Variants in OTULIN observed in about 807,000 individuals in gnomAD.
OTULIN encodes the protein ubiquitin thioesterase otulin.
In OTULIN, 15 loss-of-function variants were observed where a neutral mutation model predicts 39.6. The ratio of observed to expected loss-of-function variants is 0.38; its 90% confidence interval spans 0.25 to 0.58. The LOEUF (loss-of-function observed/expected upper bound fraction) is 0.58, where lower values mean the gene tolerates loss of function less well. Ranked by LOEUF, OTULIN falls within the 20% of genes least tolerant of loss-of-function variation. The pLI, the probability that OTULIN is intolerant of heterozygous loss-of-function variation, is 0.66. For synonymous variants in OTULIN, 156 were observed against 170.3 expected (o/e 0.92, Z 0.65); for missense variants, 319 against 445.9 (o/e 0.72, Z 2.56).
chr5:14,674,915 A>G (rs1299913852), intron 2 of OTULIN, among the ~76,000 whole-genome samples: 1 of 152,220 alleles, frequency 6.6e-6, no homozygotes, highest in African/African-American at 2.4e-5. Flanking sequence ...TCTTTTTTGC[A>G]TTATTAGCTG....
In OTULIN at chr5:14,681,574, G is replaced by C. The variant is rs377713255; in HGVS notation, c.435G>C (p.Leu145=). ...AGGCCATGAGCCAGGCTGTGGGGCT[G>C]CCGCCCTGGCTGCAGGACCCGGAGC... ...LFQAMSQAVG[L]PPWLQDPELM... Residue 145 remains leucine (L), a synonymous_variant, in exon 4 of 7, where the codon CTG becomes CTC. Transcript: ENST00000284274. 1 of 1,613,946 alleles carries C rather than the reference G, an allele frequency of 6.2e-7. No individual in the cohort carries two copies. Among genetic ancestry groups the C allele is most frequent in the African/African-American group, 1.3e-5 (1 of 75,064 alleles).
chr5:14,711,706 C>T, the OTULIN span, among the ~76,000 whole-genome samples: 1 of 152,238 alleles, frequency 6.6e-6, no homozygotes, highest in South Asian at 2.1e-4. Flanking sequence ...AATATTCCAC[C>T]TTGTACAGCA....
At position 14,664,963 on chromosome 5, in the gene OTULIN, G is replaced by C; in HGVS notation, c.138G>C (p.Gln46His). 4 of 1,093,712 alleles carry C rather than the reference G, an allele frequency of 3.7e-6. No homozygotes were observed. Among genetic ancestry groups the C allele is most frequent in the Non-Finnish European group, 4.4e-6 (4 of 900,632 alleles). 67.8% of individuals were successfully genotyped at this position (1,093,712 alleles called of 1,614,324 possible). A position where few individuals can be genotyped will look rare whatever the true frequency, so the allele number is the denominator to read the frequency against. The change falls in exon 1 of 7, where the codon CAG (glutamine) becomes CAC (histidine). Residue 46 changes from glutamine to histidine, a missense_variant. Gln to His is a conservative substitution (Grantham distance 24, BLOSUM62 0). Coordinates refer to ENST00000284274, the MANE Select transcript of OTULIN (RefSeq NM_138348.6). Reference sequence around the variant, plus strand: ...GCGGGCAGCCGCGGCCCGAGATGCAGTGCCCGGCCGAGCAGTGAGTCCGCG... The same window carrying C: ...GCGGGCAGCCGCGGCCCGAGATGCACTGCCCGGCCGAGCAGTGAGTCCGCG... Reference protein sequence around the residue: ...AASGQPRPEMQCPAEHEEDMY... With the variant: ...AASGQPRPEMHCPAEHEEDMY...
intron 4 of OTULIN, among the ~76,000 whole-genome samples, chr5:14,683,870 C>T (rs192329683): frequency 2.8e-4 from 42 of 151,860 alleles, no homozygotes; most frequent in Non-Finnish European, 5.1e-4. Flanking sequence ...ACAATGTCTC[C>T]CCCCCTTTTT....
rs1450016968 is a variant in OTULIN, at chr5:14,695,508, T to G, written c.*2460T>G. ...TATCCCAGAGTGTCTTGCAAGAGTT[T>G]AGGAGTTTTGGACCCTGTGTATTGG... On this transcript the variant is annotated 3_prime_UTR_variant, in exon 7 of 7. Coordinates refer to ENST00000284274, the MANE Select transcript of OTULIN (RefSeq NM_138348.6). The G allele has an allele frequency of 1.3e-5, 2 of 152,246 alleles. No homozygotes were observed. Among genetic ancestry groups the G allele is most frequent in the Non-Finnish European group, 2.9e-5 (2 of 68,036 alleles). 9.4% of individuals were successfully genotyped at this position (152,246 alleles called of 1,614,324 possible).
At position 14,690,642 on chromosome 5, in the gene OTULIN, CAGAG is replaced by C. The variant is rs1736502752; in HGVS notation, c.864+335_864+338del. Among the ~76,000 whole-genome samples, 1 of 152,098 alleles carries C rather than the reference CAGAG, an allele frequency of 6.6e-6. No homozygotes were observed. The highest frequency in any genetic ancestry group is 2.4e-5 in the African/African-American group (1 of 41,432). On this transcript the variant is annotated intron_variant, in intron 6 of 6. Coordinates refer to ENST00000284274, the MANE Select transcript of OTULIN (RefSeq NM_138348.6). This position sits in a 1 kb window ranked among gnomAD's most constrained non-coding sequence, Gnocchi z 4.5. ...CCTTACAACATGGCAGCTGGCTTCT[CAGAG>C]TGAACTAAGCAGTGAGCAAGAAAGA...
chr5:14,666,070 C>T (rs752942871), intron 1 of OTULIN, among the ~76,000 whole-genome samples: 17 of 152,230 alleles, frequency 1.1e-4, no homozygotes, highest in African/African-American at 1.4e-4. Flanking sequence ...CCCTGCTCCA[C>T]GGCCCGTGCT....
intron 5 of OTULIN, among the ~76,000 whole-genome samples, chr5:14,689,791 A>G (rs934046246): frequency 6.6e-6 from 1 of 152,210 alleles, no homozygotes; most frequent in African/African-American, 2.4e-5. Flanking sequence ...AAGGGAGTCA[A>G]AATTTCCACA....
Position 14,693,104 on chromosome 5 carries a change from G to A in OTULIN, c.*56G>A. 1 of 1,505,628 alleles carries A rather than the reference G, an allele frequency of 6.6e-7. No individual in the cohort carries two copies. The highest frequency in any genetic ancestry group is 9.0e-7 in the Non-Finnish European group (1 of 1,112,058). The allele number at this position is 1,505,628 out of a possible 1,614,324, so 93.3% of individuals were successfully genotyped here. On this transcript the variant is annotated 3_prime_UTR_variant, in exon 7 of 7. Transcript: ENST00000284274. Reference sequence around the variant, plus strand: ...TGGCGAAGATGCACAGGTGGCTCCTGGGCTTGGGCTGCAGGTTTGGGGGTC... The same window carrying A: ...TGGCGAAGATGCACAGGTGGCTCCTAGGCTTGGGCTGCAGGTTTGGGGGTC...
chr5:14,672,605 G>T (rs910592978), intron 1 of OTULIN, among the ~76,000 whole-genome samples: 2 of 151,996 alleles, frequency 1.3e-5, no homozygotes, highest in African/African-American at 4.8e-5. Context: ...GGGAATCGGG[G>T]GTCTGATCAT....
the OTULIN span, chr5:14,711,099 CAA>C: frequency 1.6e-5 from 18 of 1,135,412 alleles, no homozygotes; most frequent in Admixed American, 2.9e-4. Context: ...CAAAACAAAA[CAA>C]AAAAAAGGGA....
rs1426118036 is a variant in OTULIN at position 14,692,988 on chromosome 5, T to G, written c.999T>G (p.Ile333Met). Residue 333 changes from isoleucine (I) to methionine (M), a missense_variant, in exon 7 of 7, where the codon ATT (isoleucine) becomes ATG (methionine). Physicochemically the swap from Ile to Met is conservative, Grantham distance 10. Transcript: ENST00000284274. ...PPKDWPVVTL[I>M]AEDDRHYNIP... ...AGGACTGGCCAGTGGTAACGCTCAT[T>G]GCTGAGGACGATCGGCACTATAACA... is the stretch of plus-strand genomic sequence containing the variant. 1 of 1,614,006 alleles carries G rather than the reference T, an allele frequency of 6.2e-7. No individual in the cohort carries two copies. Among genetic ancestry groups the G allele is most frequent in the Non-Finnish European group, 8.5e-7 (1 of 1,180,042 alleles).
In OTULIN at chr5:14,695,885, T is replaced by C. The variant is rs1159473906; in HGVS notation, c.*2837T>C. 6.6e-6 allele frequency: 1 copy of C among 152,228 alleles called. No individual in the cohort carries two copies. Among genetic ancestry groups the C allele is most frequent in the African/African-American group, 2.4e-5 (1 of 41,458 alleles). The allele number at this position is 152,228 out of a possible 1,614,324, so 9.4% of individuals were successfully genotyped here. On this transcript the variant is annotated 3_prime_UTR_variant, in exon 7 of 7. Coordinates refer to ENST00000284274, the MANE Select transcript of OTULIN (RefSeq NM_138348.6). Reference sequence around the variant, plus strand: ...TTTTCAATGCACAGAACAGGATGAATCCTTTTTTCTTTATTTAGCGATTTA... The same window carrying C: ...TTTTCAATGCACAGAACAGGATGAACCCTTTTTTCTTTATTTAGCGATTTA...
At position 14,694,411 on chromosome 5, in the gene OTULIN, T is replaced by A. The variant is rs1736613584; in HGVS notation, c.*1363T>A. ...TCACATGAACCGGAGACATCACTCT[T>A]TAGGATTCTACTGGCAGCCCCTGAA... On this transcript the variant is annotated 3_prime_UTR_variant, in exon 7 of 7. Coordinates refer to ENST00000284274, the MANE Select transcript of OTULIN (RefSeq NM_138348.6). 6.6e-6 allele frequency: 1 copy of A among 152,196 alleles called. No homozygotes were observed. Among genetic ancestry groups the A allele is most frequent in the Non-Finnish European group, 1.5e-5 (1 of 68,036 alleles). The allele number at this position is 152,196 out of a possible 1,614,324, so 9.4% of individuals were successfully genotyped here.
In OTULIN at chr5:14,694,105, C is replaced by T. The variant is rs1736604144; in HGVS notation, c.*1057C>T. The T allele has an allele frequency of 6.6e-6, 1 of 152,202 alleles. No individual in the cohort carries two copies. The allele number at this position is 152,202 out of a possible 1,614,324, so 9.4% of individuals were successfully genotyped here. A position where few individuals can be genotyped will look rare whatever the true frequency, so the allele number is the denominator to read the frequency against. On this transcript the variant is annotated 3_prime_UTR_variant, in exon 7 of 7. Transcript: ENST00000284274. ...TGTCCACTGCCAGATCTGTGTAACCCGTCTGGGTCAGGGGATGAGTGACAG... is the reference window on the plus strand; with the variant it reads ...TGTCCACTGCCAGATCTGTGTAACCTGTCTGGGTCAGGGGATGAGTGACAG...
Position 14,673,697 on chromosome 5 carries a change from A to G in OTULIN, c.208A>G (p.Ile70Val). 2 of 1,613,804 alleles carry G rather than the reference A, an allele frequency of 1.2e-6. No individual in the cohort carries two copies. The highest frequency in any genetic ancestry group is 1.1e-5 in the South Asian group (1 of 91,052). ...AATAGAAAAGGAGAAAGAATTGCTT[A>G]TACATGAAAGAGGGGCATCAGGTAT... ...DEIEKEKELL[I>V]HERGASEPRL... is the part of the protein sequence containing the mutation. Residue 70 changes from isoleucine (I) to valine (V), a missense_variant, in exon 2 of 7, where the codon ATA (isoleucine) becomes GTA (valine). Physicochemically the swap from Ile to Val is conservative, Grantham distance 29 (BLOSUM62 3). Transcript: ENST00000284274.
In OTULIN at chr5:14,693,949, T is replaced by C. The variant is rs981982344; in HGVS notation, c.*901T>C. 1 of 152,170 alleles carries C rather than the reference T, an allele frequency of 6.6e-6. No homozygotes were observed. Among genetic ancestry groups the C allele is most frequent in the African/African-American group, 2.4e-5 (1 of 41,442 alleles). The allele number at this position is 152,170 out of a possible 1,614,324, so 9.4% of individuals were successfully genotyped here. Reference sequence around the variant, plus strand: ...TTAATTATTCTACAGTTCCATAGATTCACAATTTTATAGCCAAACAGTTTG... The same window carrying C: ...TTAATTATTCTACAGTTCCATAGATCCACAATTTTATAGCCAAACAGTTTG... On this transcript the variant is annotated 3_prime_UTR_variant, in exon 7 of 7. Coordinates refer to ENST00000284274, the MANE Select transcript of OTULIN (RefSeq NM_138348.6).
chr5:14,667,622 G>A (rs1001496174), intron 1 of OTULIN, among the ~76,000 whole-genome samples: 5 of 152,164 alleles, frequency 3.3e-5, no homozygotes, highest in Non-Finnish European at 7.3e-5. Flanking sequence ...CAATCCTCTT[G>A]CCGCAGCTTC....
At chr5:14,703,718 C>G (rs1363002588), downstream of OTULIN, among the ~76,000 whole-genome samples, 2 of 152,174 alleles carry the variant, frequency 1.3e-5, no homozygotes, top group Non-Finnish European at 2.9e-5. Flanking sequence ...CATACTTGAC[C>G]CGATAGCTAG....
Sources: allele counts gnomAD v4.1 joint callset (sites outside exome capture counted in the v4.1 genomes callset), GRCh38; gene constraint gnomAD v4.1.1; non-coding constraint Gnocchi (gnomAD v3.1); transcripts MANE v1.5; gene names NCBI Gene and HGNC (gene_info 2026-07-23, HGNC 2026-07-21).